Variants in UGT1A8 observed in about 807,000 individuals in gnomAD.
The protein encoded by UGT1A8 is UDP glucuronosyltransferase family 1 member A8.
In UGT1A8, 39 loss-of-function variants were observed where a neutral mutation model predicts 45.3. That is an observed-to-expected ratio of 0.86 (90% CI 0.67 to 1.12). The LOEUF (loss-of-function observed/expected upper bound fraction) is 1.12, where lower values mean the gene tolerates loss of function less well. Among genes scored for constraint, UGT1A8 ranks in the 50% most tolerant of loss-of-function variants. The pLI is 0.00. For missense variants in UGT1A8, 719 were observed against 664.9 expected, an observed-to-expected ratio of 1.08 and a Z score of -0.90; for synonymous variants, 275 against 249.2, an observed-to-expected ratio of 1.10 and a Z score of -0.97.
At chr2:233,752,037 A>G (rs1331054991) in intron 1 of UGT1A8, among the ~76,000 whole-genome samples, 2 of 152,222 alleles carry the variant, frequency 1.3e-5, no homozygotes, top group Non-Finnish European at 2.9e-5. Context: ...TAGAAAGGTA[A>G]GCTGTTGTGT....
intron 1 of UGT1A8, among the ~76,000 whole-genome samples, chr2:233,757,571 A>T (rs112550375): frequency 1.3e-5 from 1 of 77,332 alleles, no homozygotes; most frequent in African/African-American, 6.0e-5. Context: ...TGTATATATG[A>T]TATAGCTATA....
intron 1 of UGT1A8, among the ~76,000 whole-genome samples, chr2:233,695,285 C>T (rs1269928207): frequency 6.6e-6 from 1 of 152,000 alleles, no homozygotes; most frequent in Non-Finnish European, 1.5e-5. Flanking sequence ...GCCACCATTC[C>T]CAGCTAATTT....
At chr2:233,639,161 T>C (rs1449959660) in intron 1 of UGT1A8, among the ~76,000 whole-genome samples, 1 of 152,246 alleles carries the variant, frequency 6.6e-6, no homozygotes, top group African/African-American at 2.4e-5. Flanking sequence ...AAATGAAACA[T>C]TAAACTATAT....
intron 1 of UGT1A8, chr2:233,721,743 A>G: frequency 2.3e-6 from 1 of 437,974 alleles, no homozygotes; most frequent in Non-Finnish European, 4.5e-6. Flanking sequence ...TAATGATGAG[A>G]GAATCTACAT....
chr2:233,635,086 TC>T (rs1311428290), intron 1 of UGT1A8, among the ~76,000 whole-genome samples: 8 of 151,076 alleles, frequency 5.3e-5, no homozygotes, highest in Admixed American at 4.0e-4. Context: ...GATATGAAAT[TC>T]TGGATTGAAA....
At chr2:233,677,765 T>C (rs2074399039) in intron 1 of UGT1A8, among the ~76,000 whole-genome samples, 1 of 151,994 alleles carries the variant, frequency 6.6e-6, no homozygotes, top group African/African-American at 2.4e-5. Flanking sequence ...GGGAAGTAGT[T>C]TGGAGATTTT....
intron 1 of UGT1A8, among the ~76,000 whole-genome samples, chr2:233,675,167 T>G (rs1050677154): frequency 3.9e-5 from 6 of 152,132 alleles, no homozygotes; most frequent in African/African-American, 9.7e-5. Context: ...AGGGATGTAA[T>G]TAAATACTTT....
At chr2:233,736,085 G>T (rs1296774053) in intron 1 of UGT1A8, among the ~76,000 whole-genome samples, 5 of 152,146 alleles carry the variant, frequency 3.3e-5, no homozygotes, top group African/African-American at 9.7e-5. Flanking sequence ...AGTTCTCCTG[G>T]ATAATATCCT....
intron 1 of UGT1A8, among the ~76,000 whole-genome samples, chr2:233,704,117 C>T (rs2075768191): frequency 6.6e-6 from 1 of 151,996 alleles, no homozygotes; most frequent in South Asian, 2.1e-4. Flanking sequence ...TCTCAAACTC[C>T]TTACCTCAAG....
intron 1 of UGT1A8, chr2:233,743,038 A>C (rs968490640): frequency 1.1e-4 from 31 of 283,022 alleles, no homozygotes; most frequent in Non-Finnish European, 2.8e-5. Context: ...CAGAGGTCCT[A>C]TCCGTGTAGT....
At chr2:233,747,144 A>C in intron 1 of UGT1A8, 1 of 1,563,462 alleles carries the variant, frequency 6.4e-7, no homozygotes, top group Non-Finnish European at 8.7e-7. Context: ...CAAGGTAATT[A>C]AGATGAAGAA....
intron 1 of UGT1A8, among the ~76,000 whole-genome samples, chr2:233,758,268 G>A (rs1000936353): frequency 2.6e-5 from 4 of 152,178 alleles, no homozygotes; most frequent in Non-Finnish European, 5.9e-5. Flanking sequence ...AGTATTTCTT[G>A]GTCAAGGGCA....
intron 1 of UGT1A8, chr2:233,752,598 T>G (rs1695013249): frequency 6.6e-6 from 1 of 152,212 alleles, no homozygotes. Flanking sequence ...CAAGATTTTT[T>G]TTAAAAAAAC....
intron 1 of UGT1A8, among the ~76,000 whole-genome samples, chr2:233,733,067 T>G (rs1039618890): frequency 2.0e-5 from 3 of 152,180 alleles, no homozygotes; most frequent in Non-Finnish European, 4.4e-5. Flanking sequence ...ATTCTCTTTG[T>G]AGCAATTGTG....
intron 1 of UGT1A8, among the ~76,000 whole-genome samples, chr2:233,746,867 A>G (rs1013887537): frequency 6.6e-6 from 1 of 151,064 alleles, no homozygotes; most frequent in Non-Finnish European, 1.5e-5. Context: ...CAGCCTGATA[A>G]ACGTGGTTAA....
chr2:233,675,031 G>A (rs1012178450), intron 1 of UGT1A8, among the ~76,000 whole-genome samples: 2 of 152,162 alleles, frequency 1.3e-5, no homozygotes, highest in Non-Finnish European at 2.9e-5. Context: ...GTATGTGTTT[G>A]CACATGTATG....
rs565161721 is a variant in UGT1A8, at chr2:233,681,556, T to C, written c.855+62994T>C. ...AAAAAAAAAAAAAAAAAAAAAAAATTGCAAATTTTTCTTTGTGACAAATTC... is the reference window on the plus strand; with the variant it reads ...AAAAAAAAAAAAAAAAAAAAAAAATCGCAAATTTTTCTTTGTGACAAATTC... On this transcript the variant is annotated intron_variant, in intron 1 of 4. Coordinates refer to ENST00000373450, the MANE Select transcript of UGT1A8 (RefSeq NM_019076.5). 3.1e-4 allele frequency among the ~76,000 whole-genome samples: 46 copies of C among 147,906 alleles called. No individual in the cohort carries two copies. The East Asian group carries it at 6.7e-3, about 22-fold the overall frequency.
intron 1 of UGT1A8, among the ~76,000 whole-genome samples, chr2:233,724,104 C>T (rs1174163777): frequency 1.9e-4 from 20 of 105,450 alleles, no homozygotes; most frequent in African/African-American, 7.3e-4. Context: ...CCAGTAGGGG[C>T]GGCCGGGCAG....
At chr2:233,771,792 C>T (rs974191909) in intron 4 of UGT1A8, among the ~76,000 whole-genome samples, 6 of 151,492 alleles carry the variant, frequency 4.0e-5, no homozygotes, top group Non-Finnish European at 8.8e-5. Context: ...CTCTCCCTCC[C>T]TCCCTCCCTC....
Sources: gnomAD v4.1 joint callset for allele counts (sites outside exome capture counted in the v4.1 genomes callset) on GRCh38, gnomAD v4.1.1 for gene constraint, MANE v1.5 for transcripts, NCBI Gene and HGNC (gene_info 2026-07-23, HGNC 2026-07-21) for gene names.